Variants in CAMK1D observed in about 807,000 individuals in gnomAD.
CAMK1D encodes the protein calcium/calmodulin-dependent protein kinase type 1D.
CAMK1D carries 9 observed loss-of-function variants against 47.7 expected under a neutral mutation model. That is an observed-to-expected ratio of 0.19 (90% CI 0.11 to 0.33). The LOEUF is 0.33. Ranked by LOEUF, CAMK1D falls within the 10% of genes least tolerant of loss-of-function variation. The probability of loss-of-function intolerance (pLI) is 1.00; values close to 1 mark genes in which losing one functional copy is unlikely to be tolerated. For synonymous variants in CAMK1D, 184 were observed against 184.9 expected (o/e 0.99, Z 0.04); for missense variants, 291 against 488.7 (o/e 0.60, Z 3.81).
At chr10:12,661,699 A>C (rs896603933) in intron 2 of CAMK1D, among the ~76,000 whole-genome samples, 1 of 152,244 alleles carries the variant, frequency 6.6e-6, no homozygotes, top group Admixed American at 6.5e-5. Context: ...GTCACAGCTG[A>C]AATGTTTGAG....
At chr10:12,502,368 C>G (rs17151804) in intron 1 of CAMK1D, among the ~76,000 whole-genome samples, 4,579 of 152,206 alleles carry the variant, frequency 0.03, 264 homozygotes, top group African/African-American at 0.11. Flanking sequence ...CCAATCCTGG[C>G]CTGTTTCTCA....
chr10:12,421,262 G>A (rs900943383), intron 1 of CAMK1D, among the ~76,000 whole-genome samples: 1 of 152,136 alleles, frequency 6.6e-6, no homozygotes, highest in Non-Finnish European at 1.5e-5. Context: ...GAGCTTTACT[G>A]TGCAGAGAAA....
intron 1 of CAMK1D, among the ~76,000 whole-genome samples, chr10:12,394,404 C>G (rs746883270): frequency 1.3e-5 from 2 of 152,206 alleles, no homozygotes; most frequent in Admixed American, 6.5e-5. Context: ...TGCCTCTCCC[C>G]TTTCTGGACT....
At chr10:12,817,795 A>T (rs1257772713) in intron 8 of CAMK1D, among the ~76,000 whole-genome samples, 2 of 152,000 alleles carry the variant, frequency 1.3e-5, no homozygotes, top group Non-Finnish European at 2.9e-5. Context: ...TATTCAAGGG[A>T]TTCTCCTGCC....
chr10:12,484,355 G>A (rs1834150102), intron 1 of CAMK1D, among the ~76,000 whole-genome samples: 1 of 152,242 alleles, frequency 6.6e-6, no homozygotes, highest in African/African-American at 2.4e-5. Context: ...TTTGGAGGGA[G>A]GAGGGCCAAT....
At chr10:12,505,914 A>G (rs1834857227) in intron 1 of CAMK1D, among the ~76,000 whole-genome samples, 1 of 152,148 alleles carries the variant, frequency 6.6e-6, no homozygotes, top group African/African-American at 2.4e-5. Context: ...ATCACATGTC[A>G]ATGGAAATCT....
intron 2 of CAMK1D, among the ~76,000 whole-genome samples, chr10:12,569,513 A>G (rs542924051): frequency 1.3e-5 from 2 of 150,424 alleles, no homozygotes; most frequent in South Asian, 4.2e-4. Context: ...GATTGAGACC[A>G]TCCTGGCTAA....
chr10:12,780,548 A>C (rs994231603), intron 5 of CAMK1D, among the ~76,000 whole-genome samples: 2 of 152,106 alleles, frequency 1.3e-5, no homozygotes, highest in Non-Finnish European at 1.5e-5. Flanking sequence ...GGATTCAGTC[A>C]ATGGACCTCC....
At chr10:12,656,269 G>A (rs112614427) in intron 2 of CAMK1D, among the ~76,000 whole-genome samples, 1,899 of 152,258 alleles carry the variant, frequency 0.012, 42 homozygotes, top group African/African-American at 0.043. Flanking sequence ...GGCCTGGGGT[G>A]CTATTAAGAA....
In CAMK1D at chr10:12,671,101, G is replaced by A. The variant is rs968688301; in HGVS notation, c.299+4291G>A. Among the ~76,000 whole-genome samples the A allele has an allele frequency of 7.9e-5, 12 of 152,118 alleles. 1 individual carries two copies. Among genetic ancestry groups the A allele is most frequent in the African/African-American group, 2.7e-4 (11 of 41,422 alleles). ...CTCTCTCTCAGCTTATTGATTACAA[G>A]ATTAATCCATATTGTATCATGTATC... On this transcript the variant is annotated intron_variant, in intron 3 of 10. Coordinates refer to ENST00000619168, the MANE Select transcript of CAMK1D (RefSeq NM_153498.4).
chr10:12,623,157 CTCCTTTCT>C lies in CAMK1D; in HGVS notation c.225-43577_225-43570del, dbSNP rs1369548902. Among the ~76,000 whole-genome samples the C allele has an allele frequency of 4.9e-3, 41 of 8,330 alleles. 10 individuals carry two copies. Among genetic ancestry groups the C allele is most frequent in the East Asian group, 9.5e-3 (2 of 210 alleles). The allele number at this position is 8,330 out of a possible 152,430, so 5.5% of individuals were successfully genotyped here. A position where few individuals can be genotyped will look rare whatever the true frequency, so the allele number is the denominator to read the frequency against. On this transcript the variant is annotated intron_variant, in intron 2 of 10. Transcript: ENST00000619168. Reference sequence around the variant, plus strand: ...CCTCCCTTCCTCCCTTCCTTCCTCCCTCCTTTCTTTCCTTCCTCCCTCCCTCCGTCCCT... The same window carrying C: ...CCTCCCTTCCTCCCTTCCTTCCTCCCTTCCTTCCTCCCTCCCTCCGTCCCT...
At chr10:12,738,265 A>G (rs11818542) in intron 3 of CAMK1D, among the ~76,000 whole-genome samples, 7,825 of 152,300 alleles carry the variant, frequency 0.051, 610 homozygotes, top group African/African-American at 0.17. Flanking sequence ...ATAAGAGGAC[A>G]TTTTAACCTT....
intron 2 of CAMK1D, among the ~76,000 whole-genome samples, chr10:12,567,158 C>T (rs2768358): frequency 0.89 from 136,057 of 152,258 alleles, 61,169 homozygotes; most frequent in Non-Finnish European, 0.95. Context: ...AGTTACAGAT[C>T]GTGGAATGAT....
At chr10:12,556,225 G>A (rs1187365315) in intron 2 of CAMK1D, among the ~76,000 whole-genome samples, 1 of 152,172 alleles carries the variant, frequency 6.6e-6, no homozygotes, top group African/African-American at 2.4e-5. Flanking sequence ...CAAAGTCAAT[G>A]AGCTAGAAAG....
chr10:12,475,877 T>G (rs956362628), intron 1 of CAMK1D, among the ~76,000 whole-genome samples: 1 of 151,690 alleles, frequency 6.6e-6, no homozygotes, highest in African/African-American at 2.4e-5. Context: ...CCCTGAGTGA[T>G]GGCGGTGCTA....
chr10:12,750,593 C>T (rs1039192973), intron 3 of CAMK1D, among the ~76,000 whole-genome samples: 9 of 151,818 alleles, frequency 5.9e-5, no homozygotes, highest in Non-Finnish European at 7.4e-5. Flanking sequence ...CAGAAGAGGC[C>T]GGGAGGAGAG....
intron 2 of CAMK1D, among the ~76,000 whole-genome samples, chr10:12,595,653 C>T (rs138692567): frequency 2.2e-4 from 34 of 152,256 alleles, no homozygotes; most frequent in African/African-American, 6.7e-4. Flanking sequence ...CTGTCCCCTA[C>T]CCCTTGACCA....
chr10:12,611,218 T>A (rs1243996465), intron 2 of CAMK1D, among the ~76,000 whole-genome samples: 1 of 152,242 alleles, frequency 6.6e-6, no homozygotes, highest in East Asian at 1.9e-4. Flanking sequence ...AATGAGACCC[T>A]GGACCTGGGG....
At chr10:12,387,447 A>ATATATTTTATATATTATATATATTT (rs1199948222) in intron 1 of CAMK1D, among the ~76,000 whole-genome samples, 104 of 83,936 alleles carry the variant, frequency 1.2e-3, no homozygotes, top group African/African-American at 7.6e-3. Flanking sequence ...TATATATTTT[A>ATATATTTTATATATTATATATATTT]TATATATATA....
Sources: gnomAD v4.1 joint callset for allele counts (sites outside exome capture counted in the v4.1 genomes callset) on GRCh38, gnomAD v4.1.1 for gene constraint, MANE v1.5 for transcripts, NCBI Gene and HGNC (gene_info 2026-07-23, HGNC 2026-07-21) for gene names.